NXPE2: variants seen among roughly 807,000 people sequenced by gnomAD.
NXPE2 encodes the protein NXPE family member 2.
In NXPE2, 34 loss-of-function variants were observed where a neutral mutation model predicts 34.4. That is an observed-to-expected ratio of 0.99 (90% confidence interval 0.75 to 1.31). The LOEUF (loss-of-function observed/expected upper bound fraction) is 1.31. Among genes scored for constraint, NXPE2 ranks in the 40% most tolerant of loss-of-function variants. The probability of loss-of-function intolerance (pLI) is 0.00; values close to 1 mark genes in which losing one functional copy is unlikely to be tolerated. For missense variants in NXPE2, 649 were observed against 672.5 expected, an observed-to-expected ratio of 0.97 and a Z score of 0.39; for synonymous variants, 235 against 231.3, an observed-to-expected ratio of 1.02 and a Z score of -0.15.
chr11:114,613,756 GATA>G, the NXPE2 span, among the ~76,000 whole-genome samples: 1 of 151,756 alleles, frequency 6.6e-6, no homozygotes. Flanking sequence ...TTACCCGGTG[GATA>G]ATAAGTGTTG....
chr11:114,542,145 C>T, the NXPE2 span, among the ~76,000 whole-genome samples: 5 of 152,234 alleles, frequency 3.3e-5, no homozygotes, highest in East Asian at 7.7e-4. Flanking sequence ...TATGTAGCAT[C>T]TCACTTTATC....
the NXPE2 span, among the ~76,000 whole-genome samples, chr11:114,473,500 T>C: frequency 6.6e-6 from 1 of 152,116 alleles, no homozygotes; most frequent in Non-Finnish European, 1.5e-5. Flanking sequence ...ACACTGTGAG[T>C]TTATAAAAAA....
chr11:114,809,125 C>G, the NXPE2 span, among the ~76,000 whole-genome samples: 27 of 151,994 alleles, frequency 1.8e-4, no homozygotes, highest in Non-Finnish European at 3.5e-4. Flanking sequence ...CAGAAAAGGC[C>G]TTTGACAAAA....
the NXPE2 span, among the ~76,000 whole-genome samples, chr11:114,540,247 T>C: frequency 1.3e-5 from 2 of 152,188 alleles, no homozygotes; most frequent in Admixed American, 6.5e-5. Context: ...TGAGCCACCA[T>C]GCCCGGCCAA....
At chr11:114,798,721 TTAA>T in the NXPE2 span, among the ~76,000 whole-genome samples, 1 of 152,236 alleles carries the variant, frequency 6.6e-6, no homozygotes, top group Non-Finnish European at 1.5e-5. Flanking sequence ...CTTTTCATAG[TTAA>T]TAAACCATAT....
At chr11:114,602,359 AAT>A in the NXPE2 span, among the ~76,000 whole-genome samples, 3 of 127,080 alleles carry the variant, frequency 2.4e-5, no homozygotes, top group Admixed American at 9.4e-5. Context: ...TACTATATAT[AAT>A]ATGTTATATA....
the NXPE2 span, among the ~76,000 whole-genome samples, chr11:114,535,378 G>A: frequency 2.0e-5 from 3 of 152,110 alleles, no homozygotes; most frequent in African/African-American, 7.2e-5. Context: ...ATCAACTAAC[G>A]AGCAAAATAA....
the NXPE2 span, chr11:114,582,878 A>G: frequency 1.2e-6 from 2 of 1,613,946 alleles, no homozygotes; most frequent in Admixed American, 1.7e-5. Flanking sequence ...GGATCTGCTG[A>G]TCTAGTTTCT....
At chr11:114,651,097 ATATAT>A in the NXPE2 span, among the ~76,000 whole-genome samples, 26,713 of 151,644 alleles carry the variant, frequency 0.18, 2,680 homozygotes, top group Non-Finnish European at 0.22. Context: ...ACAATATTAC[ATATAT>A]TATATATAAT....
the NXPE2 span, among the ~76,000 whole-genome samples, chr11:114,599,455 A>G: frequency 2.0e-5 from 3 of 152,166 alleles, no homozygotes; most frequent in East Asian, 5.8e-4. Context: ...TGACATTTTC[A>G]GGTATATTTA....
At position 114,706,015 on chromosome 11, in the gene NXPE2, T is replaced by C. The variant is rs1951466280; in HGVS notation, c.1144+19T>C. ...GTGAAAAGTATGTATTTAATTTATA[T>C]TTTGAAATTCTATTTGACTTTTGAG... On this transcript the variant is annotated intron_variant, in intron 5 of 5. Transcript: ENST00000389586. 8.6e-7 allele frequency: 1 copy of C among 1,160,854 alleles called. No individual in the cohort carries two copies. The highest frequency in any genetic ancestry group is 1.1e-6 in the Non-Finnish European group (1 of 895,726). The allele number at this position is 1,160,854 out of a possible 1,614,324, so 71.9% of individuals were successfully genotyped here. A position where few individuals can be genotyped will look rare whatever the true frequency, so the allele number is the denominator to read the frequency against.
At chr11:114,718,987 A>G in the NXPE2 span, among the ~76,000 whole-genome samples, 1 of 152,172 alleles carries the variant, frequency 6.6e-6, no homozygotes, top group East Asian at 1.9e-4. Flanking sequence ...ACTCCTCCTT[A>G]ATGATTATAC....
chr11:114,710,511 T>C (rs990766602), downstream of NXPE2, among the ~76,000 whole-genome samples: 4 of 152,064 alleles, frequency 2.6e-5, no homozygotes, highest in African/African-American at 7.2e-5. Context: ...GATAAATTCA[T>C]AGAAACATAC....
At chr11:114,779,850 C>G in the NXPE2 span, among the ~76,000 whole-genome samples, 2 of 152,126 alleles carry the variant, frequency 1.3e-5, no homozygotes, top group African/African-American at 2.4e-5. Flanking sequence ...TTTCCTGTCT[C>G]GAACCCCTCC....
At chr11:114,535,727 A>G in the NXPE2 span, among the ~76,000 whole-genome samples, 15 of 152,214 alleles carry the variant, frequency 9.9e-5, no homozygotes, top group Non-Finnish European at 1.2e-4. Context: ...AACAAGAAGA[A>G]CTAGCTATCC....
the NXPE2 span, among the ~76,000 whole-genome samples, chr11:114,646,664 G>A: frequency 6.6e-6 from 1 of 152,022 alleles, no homozygotes; most frequent in South Asian, 2.1e-4. Context: ...CATTAAAATA[G>A]ACCCAATTAC....
At chr11:114,620,165 T>TGA in the NXPE2 span, among the ~76,000 whole-genome samples, 1 of 152,030 alleles carries the variant, frequency 6.6e-6, no homozygotes, top group Non-Finnish European at 1.5e-5. Context: ...ATGATAAATA[T>TGA]TGCCTCATGG....
the NXPE2 span, among the ~76,000 whole-genome samples, chr11:114,810,747 A>C: frequency 1.6e-4 from 24 of 152,296 alleles, no homozygotes; most frequent in Middle Eastern, 3.4e-3. Context: ...GTGGGACTAT[A>C]AACTAGTTCA....
chr11:114,792,280 A>T, the NXPE2 span, among the ~76,000 whole-genome samples: 4 of 152,034 alleles, frequency 2.6e-5, no homozygotes, highest in Non-Finnish European at 4.4e-5. Context: ...TTTTATCATA[A>T]TGATTGCTGA....
Sources: allele counts gnomAD v4.1 joint callset (sites outside exome capture counted in the v4.1 genomes callset), GRCh38; gene constraint gnomAD v4.1.1; transcripts MANE v1.5; gene names NCBI Gene and HGNC (gene_info 2026-07-23, HGNC 2026-07-21).